The following TNR variants were observed in gnomAD, a reference collection of about 807,000 sequenced individuals.
TNR encodes the protein tenascin-R.
TNR carries 45 observed loss-of-function variants against 150.4 expected under a neutral mutation model. That is an observed-to-expected ratio of 0.30 (90% CI 0.24 to 0.38). TNR has a LOEUF of 0.38. Among genes scored for constraint, TNR ranks in the 10% least tolerant of loss-of-function variants. The pLI, the probability that TNR is intolerant of heterozygous loss-of-function variation, is 1.00. For synonymous variants in TNR, 687 were observed against 678.4 expected (o/e 1.01, Z -0.20); for missense variants, 1,544 against 1,759.1 (o/e 0.88, Z 2.19).
intron 2 of TNR, among the ~76,000 whole-genome samples, chr1:175,415,338 T>A (rs1022840520): frequency 6.6e-6 from 1 of 152,146 alleles, no homozygotes; most frequent in Non-Finnish European, 1.5e-5. Flanking sequence ...CCATCAGCGC[T>A]GGGCCTTTAT....
rs535796191 is a variant in TNR, at chr1:175,318,547, A to T, written c.*4810T>A. The T allele has an allele frequency of 1.3e-5, 2 of 152,290 alleles. No individual in the cohort carries two copies. The highest frequency in any genetic ancestry group is 4.1e-4 in the South Asian group (2 of 4,830). The allele number at this position is 152,290 out of a possible 1,614,324, so 9.4% of individuals were successfully genotyped here. A position where few individuals can be genotyped will look rare whatever the true frequency, so the allele number is the denominator to read the frequency against. Reference sequence around the variant, plus strand: ...ATTTGGTCTGTGAGTTCTCATCTGGACTGGTAGTGTCCAAATGACCCAGTA... The same window carrying T: ...ATTTGGTCTGTGAGTTCTCATCTGGTCTGGTAGTGTCCAAATGACCCAGTA... On this transcript the variant is annotated 3_prime_UTR_variant, in exon 23 of 23. Transcript: ENST00000367674.
chr1:175,520,412 C>G (rs1659589275), intron 2 of TNR, among the ~76,000 whole-genome samples: 1 of 152,222 alleles, frequency 6.6e-6, no homozygotes, highest in Non-Finnish European at 1.5e-5. Context: ...TTTTCTTCCT[C>G]AGGCCTAACA....
At chr1:175,348,980 T>C (rs766292919) in intron 18 of TNR, among the ~76,000 whole-genome samples, 1 of 151,904 alleles carries the variant, frequency 6.6e-6, no homozygotes, top group South Asian at 2.1e-4. Flanking sequence ...CTAAAAAACA[T>C]ATGAAGAGAT....
chr1:175,595,043 T>C (rs1445406050), intron 1 of TNR, among the ~76,000 whole-genome samples: 1 of 151,686 alleles, frequency 6.6e-6, no homozygotes, highest in Admixed American at 6.6e-5. Context: ...GGTGGGCACC[T>C]ATAGTCCCAG....
rs181464502 is a variant in TNR, at chr1:175,542,067, A to G, written c.-164-13698T>C. 3.6e-3 allele frequency among the ~76,000 whole-genome samples: 552 copies of G among 152,330 alleles called. 2 individuals carry two copies. Among genetic ancestry groups the G allele is most frequent in the Middle Eastern group, 0.01 (3 of 294 alleles). On this transcript the variant is annotated intron_variant, in intron 1 of 22. Transcript: ENST00000367674. Reference sequence around the variant, plus strand: ...CTAGGGTAAGACTGTGACAACGGACAGCAGTGTGGTGCTCAGCTTGGCATG... The same window carrying G: ...CTAGGGTAAGACTGTGACAACGGACGGCAGTGTGGTGCTCAGCTTGGCATG...
chr1:175,555,500 C>A (rs74403353), intron 1 of TNR, among the ~76,000 whole-genome samples: 2,406 of 139,906 alleles, frequency 0.017, 31 homozygotes, highest in Non-Finnish European at 0.024. Flanking sequence ...AGTGCTGACT[C>A]ACCGACAACT....
At chr1:175,642,535 A>T (rs1664696592) in intron 1 of TNR, among the ~76,000 whole-genome samples, 1 of 152,186 alleles carries the variant, frequency 6.6e-6, no homozygotes. Context: ...CTTGCAGTGC[A>T]GTAGAGGAAG....
intron 2 of TNR, among the ~76,000 whole-genome samples, chr1:175,467,191 C>G (rs1395395249): frequency 6.6e-6 from 1 of 152,168 alleles, no homozygotes; most frequent in African/African-American, 2.4e-5. Context: ...GCACTCAGAG[C>G]TGGGGGAATG....
At chr1:175,431,107 T>C (rs2859047) in intron 2 of TNR, among the ~76,000 whole-genome samples, 78,679 of 151,896 alleles carry the variant, frequency 0.52, 22,053 homozygotes, top group African/African-American at 0.74. Flanking sequence ...GAGCAGCCTG[T>C]GTTTTGCATA....
rs144579778 is a variant in TNR at position 175,681,602 on chromosome 1, G to C, written c.-165+61624C>G. Among the ~76,000 whole-genome samples the C allele has an allele frequency of 4.3e-3, 648 of 152,252 alleles. 3 individuals are homozygous for C. The highest frequency in any genetic ancestry group is 0.015 in the African/African-American group (610 of 41,552). ...CTCCTTCCTGTCTCCTGCCCTCCAG[G>C]GATGGCTTGTGTTTTATTCTTCCTA... On this transcript the variant is annotated intron_variant, in intron 1 of 22. Transcript: ENST00000367674.
intron 1 of TNR, among the ~76,000 whole-genome samples, chr1:175,576,826 A>G (rs1662131076): frequency 6.6e-6 from 1 of 152,192 alleles, no homozygotes; most frequent in Non-Finnish European, 1.5e-5. Context: ...AAACCAAAAT[A>G]AGGCTCCTCT....
chr1:175,695,086 T>C (rs1433392500), intron 1 of TNR, among the ~76,000 whole-genome samples: 1 of 152,196 alleles, frequency 6.6e-6, no homozygotes, highest in Non-Finnish European at 1.5e-5. Context: ...TGGGCTACAC[T>C]TACTGGCTCC....
chr1:175,661,903 A>G (rs1282052557), intron 1 of TNR, among the ~76,000 whole-genome samples: 1 of 149,908 alleles, frequency 6.7e-6, no homozygotes, highest in Non-Finnish European at 1.5e-5. Context: ...CGGCCTTGAG[A>G]GGCTGCATTC....
At chr1:175,666,049 G>A (rs1381588390) in intron 1 of TNR, among the ~76,000 whole-genome samples, 1 of 152,134 alleles carries the variant, frequency 6.6e-6, no homozygotes, top group Non-Finnish European at 1.5e-5. Flanking sequence ...GAAAAACTTA[G>A]TCATATATTA....
intron 2 of TNR, among the ~76,000 whole-genome samples, chr1:175,442,436 T>C (rs578105425): frequency 1.3e-5 from 2 of 148,872 alleles, no homozygotes; most frequent in African/African-American, 5.2e-5. Flanking sequence ...TGGAGAGAGA[T>C]GGCTTGAAGC....
intron 1 of TNR, among the ~76,000 whole-genome samples, chr1:175,691,211 T>C (rs1666361182): frequency 1.6e-5 from 1 of 60,950 alleles, no homozygotes; most frequent in Non-Finnish European, 3.5e-5. Flanking sequence ...CAGAGCAGGA[T>C]GGGAAACGCA....
chr1:175,636,375 C>G (rs1438453854), intron 1 of TNR, among the ~76,000 whole-genome samples: 4 of 152,126 alleles, frequency 2.6e-5, no homozygotes, highest in Non-Finnish European at 1.5e-5. Flanking sequence ...ATAGTTTCTC[C>G]CTGAGAGCCC....
intron 2 of TNR, among the ~76,000 whole-genome samples, chr1:175,480,498 G>A (rs1382567297): frequency 2.0e-5 from 3 of 151,270 alleles, no homozygotes; most frequent in Non-Finnish European, 2.9e-5. Flanking sequence ...GGTAGAGGTC[G>A]AGTTTGCCCT....
chr1:175,442,367 T>C (rs1269144042), intron 2 of TNR, among the ~76,000 whole-genome samples: 2 of 152,090 alleles, frequency 1.3e-5, no homozygotes, highest in Non-Finnish European at 2.9e-5. Context: ...AGGAGCAAGA[T>C]GAAAGCAAGT....
Sources: gnomAD v4.1 joint callset for allele counts (sites outside exome capture counted in the v4.1 genomes callset) on GRCh38, gnomAD v4.1.1 for gene constraint, MANE v1.5 for transcripts, NCBI Gene and HGNC (gene_info 2026-07-23, HGNC 2026-07-21) for gene names.